ARHGEF4: variants seen among roughly 807,000 people sequenced by gnomAD.
ARHGEF4 encodes the protein Rho guanine nucleotide exchange factor 4, also known as APC-stimulated guanine nucleotide exchange factor 1.
Under a neutral mutation model 162.0 loss-of-function variants are expected in ARHGEF4, and 119 were observed. That is an observed-to-expected ratio of 0.73 (90% CI 0.63 to 0.86). The LOEUF (loss-of-function observed/expected upper bound fraction) is 0.86. ARHGEF4 is among the 40% of genes least tolerant of loss of function. The pLI is 0.00. For missense variants in ARHGEF4, 2,488 were observed against 2,456.0 expected, an observed-to-expected ratio of 1.01 and a Z score of -0.28; for synonymous variants, 1,014 against 979.9, an observed-to-expected ratio of 1.03 and a Z score of -0.65.
intron 1 of ARHGEF4, among the ~76,000 whole-genome samples, chr2:130,888,623 A>C (rs1679664766): frequency 1.3e-5 from 2 of 151,938 alleles, no homozygotes; most frequent in Admixed American, 6.5e-5. Flanking sequence ...CCTGTTTTCC[A>C]CTGATCTTCC....
chr2:130,955,393 C>T (rs552165158), intron 4 of ARHGEF4, among the ~76,000 whole-genome samples: 94 of 152,218 alleles, frequency 6.2e-4, no homozygotes, highest in African/African-American at 2.2e-3. Context: ...AATATTATAG[C>T]CACTCTGAGA....
chr2:130,876,104 AT>A (rs1244471912), intron 1 of ARHGEF4, among the ~76,000 whole-genome samples: 2 of 152,156 alleles, frequency 1.3e-5, no homozygotes, highest in Non-Finnish European at 2.9e-5. Flanking sequence ...TCAGCCGCTC[AT>A]AGGGTAGGCT....
chr2:130,846,169 ACT>A (rs1192066611), intron 1 of ARHGEF4, among the ~76,000 whole-genome samples: 1 of 151,590 alleles, frequency 6.6e-6, no homozygotes, highest in African/African-American at 2.4e-5. Flanking sequence ...TCCTGTATCC[ACT>A]CTCTGTGTGC....
chr2:130,885,541 A>G (rs141872771), intron 1 of ARHGEF4, among the ~76,000 whole-genome samples: 13 of 146,160 alleles, frequency 8.9e-5, no homozygotes, highest in African/African-American at 3.3e-4. Context: ...TATTCAAACC[A>G]TAGCACTCTC....
rs1267126784 is a variant in ARHGEF4, at chr2:130,916,827, G to T, written c.2881G>T (p.Ala961Ser). 6.4e-7 allele frequency: 1 copy of T among 1,550,438 alleles called. No individual in the cohort carries two copies. Residue 961 changes from alanine (A) to serine (S), a missense_variant, in exon 2 of 14, where the codon GCC (alanine) becomes TCC (serine). Ala to Ser is a moderately conservative substitution (Grantham distance 99). Around this residue, in one of 6 missense-constraint regions of ARHGEF4, gnomAD observed 1,642 missense variants for 1,481.5 expected, o/e 1.11. Coordinates refer to ENST00000409359, the MANE Select transcript of ARHGEF4 (RefSeq NM_001367493.1). ...SWRAFLKSKD[A>S]GSPKKPTLVS... ...GCGGGCGTTTCTGAAAAGCAAAGAT[G>T]CCGGAAGCCCCAAAAAGCCCACCCT... is the stretch of plus-strand genomic sequence containing the variant.
intron 6 of ARHGEF4, 35 bp from the exon 7 acceptor site, chr2:131,039,981 A>AT (rs1690645718): frequency 6.5e-7 from 1 of 1,545,666 alleles, no homozygotes; most frequent in Non-Finnish European, 8.7e-7. Context: ...GCTCCGAGGG[A>AT]TGCGGGGCAC....
intron 1 of ARHGEF4, among the ~76,000 whole-genome samples, chr2:130,868,422 GC>G (rs1682454994): frequency 6.9e-6 from 1 of 144,986 alleles, no homozygotes; most frequent in South Asian, 2.3e-4. Flanking sequence ...TCCCAGGGAA[GC>G]TGAAACCTGG....
chr2:130,918,483 T>G (rs995226935), intron 2 of ARHGEF4, among the ~76,000 whole-genome samples: 4 of 152,206 alleles, frequency 2.6e-5, no homozygotes, highest in African/African-American at 2.4e-5. Flanking sequence ...GACCAAGCGA[T>G]GCCGAGTCTT....
At chr2:130,963,974 C>A (rs985622587) in intron 4 of ARHGEF4, 7 of 29,272 alleles carry the variant, frequency 2.4e-4, no homozygotes, top group African/African-American at 5.0e-4. Flanking sequence ...CCCGGCAGCC[C>A]CGCGGCCGCC....
At chr2:130,940,831 CA>C (rs1196586339) in intron 3 of ARHGEF4, among the ~76,000 whole-genome samples, 101 of 43,434 alleles carry the variant, frequency 2.3e-3, no homozygotes, top group East Asian at 4.7e-3. Flanking sequence ...GACTCCGTCT[CA>C]AAAAAAAAAA....
rs1023969873 is a variant in ARHGEF4, at chr2:130,916,310, T to C, written c.2364T>C (p.Pro788=). 165 of 1,542,254 alleles carry C rather than the reference T, an allele frequency of 1.1e-4. No individual in the cohort carries two copies. Among genetic ancestry groups the C allele is most frequent in the Non-Finnish European group, 1.4e-4 (158 of 1,144,858 alleles). The change falls in exon 2 of 14, where the codon CCT becomes CCC. Residue 788 remains proline, a synonymous_variant. Coordinates refer to ENST00000409359, the MANE Select transcript of ARHGEF4 (RefSeq NM_001367493.1). ...PRGLRKGAQE[P]GKRPTFSKVT... ...GGCTCCGCAAGGGCGCGCAGGAGCCTGGGAAGCGCCCGACGTTTTCCAAGG... is the reference window on the plus strand; with the variant it reads ...GGCTCCGCAAGGGCGCGCAGGAGCCCGGGAAGCGCCCGACGTTTTCCAAGG...
intron 4 of ARHGEF4, 47 bp from the exon 5 acceptor site, chr2:131,027,898 C>G: frequency 6.2e-7 from 1 of 1,608,970 alleles, no homozygotes; most frequent in Non-Finnish European, 8.5e-7. Context: ...TCCCCTCAGC[C>G]CTTCCCAGCC....
intron 5 of ARHGEF4, among the ~76,000 whole-genome samples, chr2:131,037,225 A>T (rs183082692): frequency 1.1e-3 from 165 of 152,266 alleles, no homozygotes; most frequent in South Asian, 2.1e-3. Flanking sequence ...TCAGGACTGG[A>T]GCAGGTTTTA....
At chr2:130,936,219 A>G (rs935710674) in intron 3 of ARHGEF4, among the ~76,000 whole-genome samples, 1 of 152,222 alleles carries the variant, frequency 6.6e-6, no homozygotes, top group African/African-American at 2.4e-5. Context: ...TTATAGTATT[A>G]TTCAAGACCT....
At chr2:130,902,240 C>T (rs1680525939) in intron 1 of ARHGEF4, among the ~76,000 whole-genome samples, 1 of 152,092 alleles carries the variant, frequency 6.6e-6, no homozygotes, top group African/African-American at 2.4e-5. Context: ...CCCTCCCTCC[C>T]TCTCTCCTTC....
chr2:130,931,390 C>T lies in ARHGEF4; in HGVS notation c.3858+133C>T, dbSNP rs1013866316. 1.5e-5 allele frequency: 15 copies of T among 978,360 alleles called. No homozygotes were observed. In the African/African-American group the frequency reaches 2.3e-4, roughly 15 times the overall value. 60.6% of individuals were successfully genotyped at this position (978,360 alleles called of 1,614,324 possible). A position where few individuals can be genotyped will look rare whatever the true frequency, so the allele number is the denominator to read the frequency against. On this transcript the variant is annotated intron_variant, in intron 3 of 13. Coordinates refer to ENST00000409359, the MANE Select transcript of ARHGEF4 (RefSeq NM_001367493.1). Reference sequence around the variant, plus strand: ...TGTCACCCTGGGCCCCCTTGGATTACAGCATGCTGCCTGGGCCACACTCAG... The same window carrying T: ...TGTCACCCTGGGCCCCCTTGGATTATAGCATGCTGCCTGGGCCACACTCAG...
At chr2:131,036,684 A>G (rs2105394278) in intron 5 of ARHGEF4, among the ~76,000 whole-genome samples, 1 of 152,312 alleles carries the variant, frequency 6.6e-6, no homozygotes, top group South Asian at 2.1e-4. Context: ...GGGAACCTAG[A>G]GACAGAGGGT....
At chr2:130,954,783 T>G (rs1439828897) in intron 4 of ARHGEF4, among the ~76,000 whole-genome samples, 1 of 152,236 alleles carries the variant, frequency 6.6e-6, no homozygotes, top group Non-Finnish European at 1.5e-5. Flanking sequence ...ATTATTTTAC[T>G]TGGAAATAAC....
intron 4 of ARHGEF4, among the ~76,000 whole-genome samples, chr2:131,009,777 A>G (rs1378619355): frequency 6.6e-6 from 1 of 152,140 alleles, no homozygotes; most frequent in African/African-American, 2.4e-5. Flanking sequence ...TTTGAGCATT[A>G]TTATAATAGT....
Sources: allele counts gnomAD v4.1 joint callset (sites outside exome capture counted in the v4.1 genomes callset), GRCh38; gene constraint gnomAD v4.1.1; regional missense constraint gnomAD v4.1.1; transcripts MANE v1.5; gene names NCBI Gene and HGNC (gene_info 2026-07-23, HGNC 2026-07-21).